Variants in PKNOX1 observed in about 807,000 individuals in gnomAD.
PKNOX1 encodes the protein PBX/knotted 1 homeobox 1, also known as homeobox protein PKNOX1.
Under a neutral mutation model 51.9 loss-of-function variants are expected in PKNOX1, and 15 were observed. The ratio of observed to expected loss-of-function variants is 0.29; its 90% CI spans 0.19 to 0.45. The LOEUF (loss-of-function observed/expected upper bound fraction) is 0.45, where lower values mean the gene tolerates loss of function less well. Ranked by LOEUF, PKNOX1 falls within the 20% of genes least tolerant of loss-of-function variation. The pLI is 1.00. For missense variants in PKNOX1, 462 were observed against 547.5 expected, an observed-to-expected ratio of 0.84 and a Z score of 1.56; for synonymous variants, 219 against 211.1, an observed-to-expected ratio of 1.04 and a Z score of -0.32.
chr21:42,975,715 C>G lies in PKNOX1; in HGVS notation c.-57+1051C>G, dbSNP rs922874720. 3.3e-5 allele frequency among the ~76,000 whole-genome samples: 5 copies of G among 152,184 alleles called. 1 individual carries two copies. In the South Asian group the frequency reaches 8.3e-4, roughly 25 times the overall value. On this transcript the variant is annotated intron_variant, in intron 1 of 10. Coordinates refer to ENST00000291547, the MANE Select transcript of PKNOX1 (RefSeq NM_004571.5). ...GTCCTGAGGTCGGGCCCAGGGCAGG[C>G]CAGGCTGAGCGCCACGGCGGGGCCG...
intron 1 of PKNOX1, among the ~76,000 whole-genome samples, chr21:42,986,832 A>G (rs1206411460): frequency 4.0e-5 from 6 of 151,044 alleles, no homozygotes; most frequent in Admixed American, 6.6e-5. Flanking sequence ...TAAATGCCTC[A>G]GTGTTACTGT....
intron 1 of PKNOX1, among the ~76,000 whole-genome samples, chr21:42,995,150 G>A (rs1462096772): frequency 6.6e-6 from 1 of 151,936 alleles, no homozygotes; most frequent in African/African-American, 2.4e-5. Context: ...TCGAACTCCT[G>A]ACCTCAGGTA....
rs556682483 is a variant in PKNOX1 at position 42,993,576 on chromosome 21, C to T, written c.-56-10750C>T. On this transcript the variant is annotated intron_variant, in intron 1 of 10. Transcript: ENST00000291547. The stretch of plus-strand genomic sequence containing the variant: ...TTATGCATTTTTGGCATTTAAAAAG[C>T]CCTGGCAAGTCTACTGCCTTATTTC... Among the ~76,000 whole-genome samples the T allele has an allele frequency of 3.3e-5, 5 of 150,382 alleles. No homozygotes were observed. In the South Asian group the frequency reaches 1.0e-3, roughly 32 times the overall value.
intron 5 of PKNOX1, among the ~76,000 whole-genome samples, chr21:43,014,726 C>A (rs1788479): frequency 0.27 from 41,184 of 152,132 alleles, 6,126 homozygotes; most frequent in Non-Finnish European, 0.33. Flanking sequence ...TTATAGTTGT[C>A]CATTTTGCAT....
At chr21:43,002,407 C>A (rs1471593751) in intron 1 of PKNOX1, among the ~76,000 whole-genome samples, 1 of 51,350 alleles carries the variant, frequency 1.9e-5, no homozygotes, top group African/African-American at 5.7e-5. Context: ...TGACTGTGCC[C>A]CCTCCCTTGT....
chr21:43,007,664 G>C, intron 3 of PKNOX1, 46 bp downstream of exon 3: 1 of 1,608,268 alleles, frequency 6.2e-7, no homozygotes, highest in Non-Finnish European at 8.5e-7. Context: ...GGAGTGAGGA[G>C]TGTCCACAAG....
intron 1 of PKNOX1, among the ~76,000 whole-genome samples, chr21:43,000,949 A>G (rs1390165120): frequency 6.6e-6 from 1 of 152,188 alleles, no homozygotes; most frequent in Non-Finnish European, 1.5e-5. Context: ...AGGCTCATAC[A>G]ACCAGGTAGG....
chr21:43,015,070 G>A (rs1314904545), intron 5 of PKNOX1, among the ~76,000 whole-genome samples: 1 of 152,234 alleles, frequency 6.6e-6, no homozygotes, highest in African/African-American at 2.4e-5. Flanking sequence ...TGACACATAA[G>A]TTGTGTACAT....
At chr21:43,009,366 A>C (rs1979139949) in intron 3 of PKNOX1, among the ~76,000 whole-genome samples, 1 of 151,928 alleles carries the variant, frequency 6.6e-6, no homozygotes, top group Non-Finnish European at 1.5e-5. Flanking sequence ...AATCGCTTGA[A>C]CCCGAGAGGC....
chr21:43,021,576 G>A lies in PKNOX1; in HGVS notation c.849+145G>A. The A allele has an allele frequency of 1.0e-6, 1 of 965,498 alleles. No homozygotes were observed. Among genetic ancestry groups the A allele is most frequent in the Non-Finnish European group, 1.5e-6 (1 of 670,928 alleles). The allele number at this position is 965,498 out of a possible 1,614,324, so 59.8% of individuals were successfully genotyped here. On this transcript the variant is annotated intron_variant, in intron 8 of 10. Coordinates refer to ENST00000291547, the MANE Select transcript of PKNOX1 (RefSeq NM_004571.5). This position sits in a 1 kb window ranked among gnomAD's most constrained non-coding sequence, Gnocchi z 4.6. ...GACTTTGTGGCATGTCCATAATGTG[G>A]GGAGCGTGGGGCACTGCTGCAGGGA... is the stretch of plus-strand genomic sequence containing the variant.
chr21:42,988,498 A>G (rs1037524040), intron 1 of PKNOX1, among the ~76,000 whole-genome samples: 6 of 152,178 alleles, frequency 3.9e-5, no homozygotes, highest in African/African-American at 1.2e-4. Flanking sequence ...ATTGGTATAC[A>G]GTATTGTCTA....
intron 2 of PKNOX1, 96 bp from the exon 3 acceptor site, chr21:43,007,395 T>C: frequency 9.0e-7 from 1 of 1,113,478 alleles, no homozygotes; most frequent in Non-Finnish European, 1.4e-6. Flanking sequence ...TACTGCTGTC[T>C]GGCAATTCCC....
At chr21:42,975,039 CCCCGGCGCGGGGCGGGGGCGCGCGGAG>C (rs1466691517) in intron 1 of PKNOX1, among the ~76,000 whole-genome samples, 12 of 69,510 alleles carry the variant, frequency 1.7e-4, no homozygotes, top group South Asian at 4.4e-4. Context: ...GCGGCGCGCG[CCCCGGCGCGGGGCGGGGGCGCGCGGAG>C]CCCGGCGCGG....
rs1980092526 is a variant in PKNOX1 at position 43,028,774 on chromosome 21, G to GA, written c.1006dup (p.Thr336AsnfsTer13). ...GTTGTTCAGAGACCCCCAAAACAAA[G>GA]AAAAAAACTGCTCAGAACCGGCCAG... On this transcript the variant is annotated frameshift_variant, in exon 10 of 11. Coordinates refer to ENST00000291547, the MANE Select transcript of PKNOX1 (RefSeq NM_004571.5). LOFTEE classifies it high-confidence loss of function. 6.2e-7 allele frequency: 1 copy of GA among 1,613,978 alleles called. No individual in the cohort carries two copies. The highest frequency in any genetic ancestry group is 1.1e-5 in the South Asian group (1 of 91,086).
intron 6 of PKNOX1, 86 bp from the exon 7 acceptor site, chr21:43,018,047 C>CAGAAA: frequency 3.7e-6 from 1 of 273,750 alleles, no homozygotes; most frequent in Non-Finnish European, 6.4e-6. Flanking sequence ...CCTGTCTCTA[C>CAGAAA]AAAAAAAAAA....
At chr21:42,982,805 G>C (rs111299800) in intron 1 of PKNOX1, among the ~76,000 whole-genome samples, 5,764 of 150,572 alleles carry the variant, frequency 0.038, 140 homozygotes, top group Middle Eastern at 0.062. Flanking sequence ...TTACGTATTT[G>C]AGCATACTTT....
chr21:42,978,826 T>C (rs2059011853), intron 1 of PKNOX1, among the ~76,000 whole-genome samples: 1 of 152,020 alleles, frequency 6.6e-6, no homozygotes, highest in Admixed American at 6.6e-5. Flanking sequence ...CCCTATGTTA[T>C]CCAGGCAGGT....
intron 1 of PKNOX1, among the ~76,000 whole-genome samples, chr21:42,989,607 T>G (rs1315424202): frequency 6.6e-6 from 1 of 151,936 alleles, no homozygotes; most frequent in East Asian, 1.9e-4. Flanking sequence ...TTAGTAGAGA[T>G]GGGGTTTCAC....
rs528597346 is a variant in PKNOX1 at position 42,998,073 on chromosome 21, C to G, written c.-56-6253C>G. ...TTTTCACACTGCTGATAAAGTTGTA[C>G]CCAAGACTGGGCAATTTACAAAAGA... On this transcript the variant is annotated intron_variant, in intron 1 of 10. Transcript: ENST00000291547. 5.9e-5 allele frequency among the ~76,000 whole-genome samples: 9 copies of G among 152,188 alleles called. No homozygotes were observed. The South Asian group carries it at 1.9e-3, about 32-fold the overall frequency.
Sources: allele counts gnomAD v4.1 joint callset (sites outside exome capture counted in the v4.1 genomes callset), GRCh38; gene constraint gnomAD v4.1.1; non-coding constraint Gnocchi (gnomAD v3.1); transcripts MANE v1.5; gene names NCBI Gene and HGNC (gene_info 2026-07-23, HGNC 2026-07-21).